The following KIAA1755 variants were observed in gnomAD, a reference collection of about 807,000 sequenced individuals.
The protein encoded by KIAA1755 is uncharacterized protein KIAA1755.
Under a neutral mutation model 91.7 loss-of-function variants are expected in KIAA1755, and 68 were observed. The ratio of observed to expected loss-of-function variants is 0.74; its 90% CI spans 0.61 to 0.91. The LOEUF (loss-of-function observed/expected upper bound fraction) is 0.91. Among genes scored for constraint, KIAA1755 ranks in the 40% least tolerant of loss-of-function variants. The probability of loss-of-function intolerance (pLI) is 0.00; values close to 1 mark genes in which losing one functional copy is unlikely to be tolerated. For synonymous variants in KIAA1755, 610 were observed against 604.6 expected (o/e 1.01, Z -0.13); for missense variants, 1,535 against 1,494.4 (o/e 1.03, Z -0.45).
In KIAA1755 at chr20:38,241,917, G is replaced by A. The variant is rs2076076340; in HGVS notation, c.214C>T (p.His72Tyr). ...VREAACAPYS[H>Y]CLFLHEGWPL... is the part of the protein sequence containing the mutation. Reference sequence around the variant, plus strand: ...CAGCCCTCGTGTAAGAAGAGGCAGTGTGAGTAGGGAGCCTGTGGAGAGAAG... The same window carrying A: ...CAGCCCTCGTGTAAGAAGAGGCAGTATGAGTAGGGAGCCTGTGGAGAGAAG... Residue 72 changes from histidine to tyrosine, a missense_variant, in exon 3 of 14, where the codon CAC becomes TAC. Transcript: ENST00000279024. The A allele has an allele frequency of 6.2e-7, 1 of 1,612,534 alleles. No homozygotes were observed. The highest frequency in any genetic ancestry group is 8.5e-7 in the Non-Finnish European group (1 of 1,179,426).
chr20:38,234,699 A>T (rs1476129339), intron 4 of KIAA1755, among the ~76,000 whole-genome samples: 1 of 152,182 alleles, frequency 6.6e-6, no homozygotes, highest in East Asian at 1.9e-4. Flanking sequence ...GACATTCCAC[A>T]CTGGGACACA....
chr20:38,213,486 G>T lies in KIAA1755; in HGVS notation c.3159C>A (p.Thr1053=), dbSNP rs754616039. The T allele has an allele frequency of 6.2e-7, 1 of 1,607,696 alleles. No individual in the cohort carries two copies. The highest frequency in any genetic ancestry group is 1.1e-5 in the South Asian group (1 of 89,790). Residue 1053 remains threonine, a synonymous_variant, in exon 14 of 14, where the codon ACC becomes ACA. Coordinates refer to ENST00000279024, the MANE Select transcript of KIAA1755 (RefSeq NM_001029864.2). ...EIRMLLEKAL[T]HSSCPEAPAA... is the part of the protein sequence containing the mutation. ...CTGGAGCCTCTGGGCAAGAGCTGTG[G>T]GTCAGTGCCTTCTCCAGGAGCATCC...
chr20:38,216,956 T>G, intron 13 of KIAA1755: 1 of 629,472 alleles, frequency 1.6e-6, no homozygotes, highest in Non-Finnish European at 3.0e-6. Flanking sequence ...GACACATCTA[T>G]GTTCAAATCT....
intron 12 of KIAA1755, chr20:38,218,029 G>C (rs2075583038): frequency 4.9e-6 from 3 of 618,160 alleles, no homozygotes; most frequent in African/African-American, 1.8e-5. Context: ...AAACCCTCTG[G>C]GGGATTCAGA....
At chr20:38,247,696 CA>C (rs1434817876) in intron 1 of KIAA1755, among the ~76,000 whole-genome samples, 21 of 152,200 alleles carry the variant, frequency 1.4e-4, no homozygotes, top group Non-Finnish European at 2.9e-5. Flanking sequence ...GTTTGCTAAT[CA>C]GCTGACTTTA....
intron 1 of KIAA1755, among the ~76,000 whole-genome samples, chr20:38,252,557 A>G (rs1051544438): frequency 1.3e-5 from 2 of 152,182 alleles, no homozygotes; most frequent in African/African-American, 4.8e-5. Flanking sequence ...AAGTCTGCCC[A>G]GATCTTCCCC....
intron 2 of KIAA1755, among the ~76,000 whole-genome samples, chr20:38,242,944 C>T (rs1423705511): frequency 6.6e-6 from 1 of 152,082 alleles, no homozygotes; most frequent in Non-Finnish European, 1.5e-5. Context: ...CCAGAAATTC[C>T]CTGTATAGGT....
chr20:38,235,920 G>A (rs1568755620), intron 4 of KIAA1755, among the ~76,000 whole-genome samples: 1 of 152,192 alleles, frequency 6.6e-6, no homozygotes, highest in Non-Finnish European at 1.5e-5. Flanking sequence ...GCTTCACAGG[G>A]CTGGCTTGGA....
intron 7 of KIAA1755, among the ~76,000 whole-genome samples, chr20:38,226,628 T>G (rs2075761553): frequency 6.6e-6 from 1 of 152,170 alleles, no homozygotes; most frequent in African/African-American, 2.4e-5. Flanking sequence ...CCCTTACTCA[T>G]TACTGTGGTG....
At chr20:38,246,437 G>A (rs547756847) in intron 1 of KIAA1755, among the ~76,000 whole-genome samples, 12 of 145,390 alleles carry the variant, frequency 8.3e-5, no homozygotes, top group Middle Eastern at 3.5e-3. Context: ...CTGATCCACG[G>A]AGACGTGGAG....
rs891858270 is a variant in KIAA1755, at chr20:38,240,467, C to A, written c.1549+115G>T. On this transcript the variant is annotated intron_variant, in intron 3 of 13. Coordinates refer to ENST00000279024, the MANE Select transcript of KIAA1755 (RefSeq NM_001029864.2). ...TTAACATGCCACACTGTATACTAAA[C>A]CCCTGAAGCTGAGCCAGCCCAGGTG... The A allele has an allele frequency of 7.4e-6, 8 of 1,076,986 alleles. No homozygotes were observed. The South Asian group carries it at 2.1e-4, about 29-fold the overall frequency. The allele number at this position is 1,076,986 out of a possible 1,614,324, so 66.7% of individuals were successfully genotyped here.
chr20:38,248,685 T>TTATTA (rs1568775228), intron 1 of KIAA1755, among the ~76,000 whole-genome samples: 1 of 29,506 alleles, frequency 3.4e-5, no homozygotes, highest in Non-Finnish European at 6.8e-5. Flanking sequence ...CTTCTCTTTA[T>TTATTA]TATTATTATT....
intron 1 of KIAA1755, among the ~76,000 whole-genome samples, chr20:38,251,101 A>C (rs2076243007): frequency 6.6e-6 from 1 of 152,024 alleles, no homozygotes; most frequent in South Asian, 2.1e-4. Context: ...TACTGTTTGT[A>C]TTTCTGTGAA....
intron 1 of KIAA1755, among the ~76,000 whole-genome samples, chr20:38,257,739 T>C (rs1805438042): frequency 6.6e-6 from 1 of 152,092 alleles, no homozygotes; most frequent in South Asian, 2.1e-4. Context: ...AATACCTCAG[T>C]CTGGAGCCAG....
chr20:38,239,659 G>A lies in KIAA1755; in HGVS notation c.1616C>T (p.Ala539Val), dbSNP rs2076018942. Residue 539 changes from alanine to valine, a missense_variant, in exon 4 of 14, where the codon GCT becomes GTT. Transcript: ENST00000279024. Reference protein sequence around the residue: ...TAPSPLTEEKAALPEASAGSP... With the variant: ...TAPSPLTEEKVALPEASAGSP... ...GCCTGCAGAAGCTTCTGGCAAGGCAGCCTTTTCCTCAGTCAGTGGGCTGGG... is the reference window on the plus strand; with the variant it reads ...GCCTGCAGAAGCTTCTGGCAAGGCAACCTTTTCCTCAGTCAGTGGGCTGGG... The A allele has an allele frequency of 2.5e-6, 4 of 1,607,982 alleles. No individual in the cohort carries two copies. In the African/African-American group the frequency reaches 4.0e-5, roughly 16 times the overall value.
intron 11 of KIAA1755, among the ~76,000 whole-genome samples, chr20:38,219,005 CAGATCCA>C (rs1358785367): frequency 6.6e-6 from 1 of 152,194 alleles, no homozygotes; most frequent in Non-Finnish European, 1.5e-5. Context: ...TTTATCTTCA[CAGATCCA>C]ATGTAGCACG....
chr20:38,213,272 A>G lies in KIAA1755; in HGVS notation c.3373T>C (p.Ser1125Pro). The G allele has an allele frequency of 1.2e-6, 2 of 1,613,536 alleles. No individual in the cohort carries two copies. Among genetic ancestry groups the G allele is most frequent in the Non-Finnish European group, 8.5e-7 (1 of 1,179,940 alleles). Reference sequence around the variant, plus strand: ...GCCTGGCCAGCTTCCTGGGGTGGAGAGCCTGCCTGGAAAGTTCTGTTCTGT... The same window carrying G: ...GCCTGGCCAGCTTCCTGGGGTGGAGGGCCTGCCTGGAAAGTTCTGTTCTGT... ...GEQNRTFQAGSPPQEAGQAAE... is the reference protein window; with the variant it reads ...GEQNRTFQAGPPPQEAGQAAE... The change falls in exon 14 of 14, where the codon TCT becomes CCT. Residue 1125 changes from serine to proline, a missense_variant. Ser to Pro is a moderately conservative substitution (Grantham distance 74). Coordinates refer to ENST00000279024, the MANE Select transcript of KIAA1755 (RefSeq NM_001029864.2).
At chr20:38,239,404 G>A (rs2076013279) in intron 4 of KIAA1755, 124 bp downstream of exon 4, 1 of 762,848 alleles carries the variant, frequency 1.3e-6, no homozygotes, top group South Asian at 1.6e-5. Context: ...GAGGCCCAAG[G>A]AGGCTTGGTC....
At chr20:38,226,496 A>T (rs967794032) in intron 7 of KIAA1755, among the ~76,000 whole-genome samples, 11 of 152,194 alleles carry the variant, frequency 7.2e-5, no homozygotes, top group Non-Finnish European at 1.5e-5. Context: ...TATTTCCCCA[A>T]GAGATCAGTA....
Sources: allele counts gnomAD v4.1 joint callset (sites outside exome capture counted in the v4.1 genomes callset), GRCh38; gene constraint gnomAD v4.1.1; transcripts MANE v1.5; gene names NCBI Gene and HGNC (gene_info 2026-07-23, HGNC 2026-07-21).